Variants in CDC42BPB observed in about 807,000 individuals in gnomAD.
CDC42BPB encodes CDC42 binding protein kinase beta, also known as serine/threonine-protein kinase MRCK beta.
CDC42BPB carries 37 observed loss-of-function variants against 214.9 expected under a neutral mutation model. That is an observed-to-expected ratio of 0.17 (90% CI 0.13 to 0.23). The LOEUF is 0.23. Among genes scored for constraint, CDC42BPB ranks in the 10% least tolerant of loss-of-function variants. CDC42BPB has a pLI of 1.00. For missense variants in CDC42BPB, 1,694 were observed against 2,227.0 expected (o/e 0.76, Z 4.82); for synonymous variants, 931 against 884.0 (o/e 1.05, Z -0.94).
chr14:103,047,435 T>C (rs1287985443), intron 1 of CDC42BPB, among the ~76,000 whole-genome samples: 3 of 152,090 alleles, frequency 2.0e-5, no homozygotes, highest in African/African-American at 7.2e-5. Context: ...CCAGAGATTT[T>C]ACAAAAGAAA....
intron 9 of CDC42BPB, 137 bp downstream of exon 9, chr14:102,977,989 T>G (rs1893833252): frequency 1.5e-6 from 1 of 648,040 alleles, no homozygotes; most frequent in South Asian, 1.9e-5. Flanking sequence ...CAAAAACCCA[T>G]CTCCATCTCC....
intron 14 of CDC42BPB, chr14:102,968,937 G>C (rs897269367): frequency 1.0e-6 from 1 of 976,288 alleles, no homozygotes; most frequent in South Asian, 4.7e-5. Flanking sequence ...GGTCTGCCTG[G>C]GACCCCCGAA....
Position 103,057,441 on chromosome 14 carries a change from C to T in CDC42BPB, c.-268G>A. ...GCCCTCCCAGCTCGGGCGGCCCGCC[C>T]CCGCCGCCCTCAGCCCCGCCCGCGG... is the stretch of plus-strand genomic sequence containing the variant. On this transcript the variant is annotated 5_prime_UTR_variant, in exon 1 of 37. Transcript: ENST00000361246. 4.0e-6 allele frequency: 2 copies of T among 496,270 alleles called. No individual in the cohort carries two copies. Among genetic ancestry groups the T allele is most frequent in the Non-Finnish European group, 5.2e-6 (2 of 384,886 alleles). 30.7% of individuals were successfully genotyped at this position (496,270 alleles called of 1,614,324 possible).
chr14:103,042,864 G>A (rs781539937), intron 1 of CDC42BPB, among the ~76,000 whole-genome samples: 1 of 152,100 alleles, frequency 6.6e-6, no homozygotes, highest in Admixed American at 6.6e-5. Context: ...AAACAACCTG[G>A]CAGTTCCTCA....
chr14:102,995,789 G>T (rs554857588), intron 5 of CDC42BPB, among the ~76,000 whole-genome samples: 1 of 152,190 alleles, frequency 6.6e-6, no homozygotes, highest in African/African-American at 2.4e-5. Flanking sequence ...CGTAAAGTTG[G>T]CCACACCGTA....
chr14:102,949,595 T>C (rs1298261735), intron 26 of CDC42BPB, among the ~76,000 whole-genome samples, 170 bp downstream of exon 26: 1 of 152,102 alleles, frequency 6.6e-6, no homozygotes, highest in Non-Finnish European at 1.5e-5. Context: ...TTCATACGCA[T>C]GTGAGCGCCT....
chr14:102,954,849 A>G lies in CDC42BPB; in HGVS notation c.2902-161T>C, dbSNP rs1002047646. 10 of 983,346 alleles carry G rather than the reference A, an allele frequency of 1.0e-5. No homozygotes were observed. In the African/African-American group the frequency reaches 1.8e-4, roughly 17 times the overall value. The allele number at this position is 983,346 out of a possible 1,614,324, so 60.9% of individuals were successfully genotyped here. Reference sequence around the variant, plus strand: ...TATCACCCCTTGGGTCTCCTCACAGACCCCTGCTCCACTCCCAGCTGGCCG... The same window carrying G: ...TATCACCCCTTGGGTCTCCTCACAGGCCCCTGCTCCACTCCCAGCTGGCCG... On this transcript the variant is annotated intron_variant, in intron 21 of 36. Coordinates refer to ENST00000361246, the MANE Select transcript of CDC42BPB (RefSeq NM_006035.4).
intron 5 of CDC42BPB, among the ~76,000 whole-genome samples, chr14:102,989,871 GAAA>G (rs1015400352): frequency 7.1e-6 from 1 of 141,564 alleles, no homozygotes; most frequent in Admixed American, 7.1e-5. Flanking sequence ...AAAAAAAAAA[GAAA>G]AAAAAAAGAA....
intron 1 of CDC42BPB, among the ~76,000 whole-genome samples, chr14:103,014,045 G>A (rs570885747): frequency 1.3e-4 from 20 of 152,136 alleles, no homozygotes; most frequent in African/African-American, 4.3e-4. Flanking sequence ...GGGCGCCTGC[G>A]GTCCCAGTTA....
chr14:103,056,886 G>A, intron 1 of CDC42BPB, 113 bp downstream of exon 1: 1 of 694,764 alleles, frequency 1.4e-6, no homozygotes, highest in Non-Finnish European at 2.1e-6. Flanking sequence ...CGAGCTGGGT[G>A]GGCAGGAGGG....
At chr14:103,012,028 A>C in intron 2 of CDC42BPB, 69 bp downstream of exon 2, 1 of 988,702 alleles carries the variant, frequency 1.0e-6, no homozygotes, top group Non-Finnish European at 1.6e-6. Context: ...AGGTGCACAA[A>C]AAGGTGAAAT....
At chr14:103,047,279 CAAAAAAAA>C (rs397852207) in intron 1 of CDC42BPB, among the ~76,000 whole-genome samples, 5 of 93,504 alleles carry the variant, frequency 5.3e-5, no homozygotes, top group Non-Finnish European at 1.1e-4. Context: ...GTAATACTCT[CAAAAAAAA>C]AAAAAAAAAA....
intron 5 of CDC42BPB, among the ~76,000 whole-genome samples, chr14:102,997,988 T>C (rs1396790146): frequency 2.0e-5 from 3 of 152,070 alleles, no homozygotes; most frequent in Admixed American, 1.3e-4. Context: ...CTACTAAAAA[T>C]ACAAAAAAAT....
In CDC42BPB at chr14:102,963,163, A is replaced by G; in HGVS notation, c.2727-8T>C. ...TCGGAATCCTTTAGTTTGCTAAAATAAAAAATAAATGGCTTTAAGTGCACT... is the reference window on the plus strand; with the variant it reads ...TCGGAATCCTTTAGTTTGCTAAAATGAAAAATAAATGGCTTTAAGTGCACT... On this transcript the variant is annotated splice_region_variant and splice_polypyrimidine_tract_variant and intron_variant, in intron 19 of 36. Transcript: ENST00000361246. The G allele has an allele frequency of 6.3e-7, 1 of 1,584,372 alleles. No individual in the cohort carries two copies. Among genetic ancestry groups the G allele is most frequent in the East Asian group, 2.2e-5 (1 of 44,700 alleles).
chr14:102,964,819 CT>C, intron 18 of CDC42BPB, 169 bp from the exon 19 acceptor site: 1 of 930,378 alleles, frequency 1.1e-6, no homozygotes, highest in Non-Finnish European at 1.3e-6. Flanking sequence ...TATTTTATGA[CT>C]TTTTTTACTC....
chr14:102,968,536 G>A lies in CDC42BPB; in HGVS notation c.2176C>T (p.Gln726Ter), dbSNP rs1893326926. ...AAGATTTCTTTCTGCAGGGCCAGCTGGTGGCTTTCTGAATCATGCACCTCC... is the reference window on the plus strand; with the variant it reads ...AAGATTTCTTTCTGCAGGGCCAGCTAGTGGCTTTCTGAATCATGCACCTCC... ...KKEVHDSESH[Q>*]LALQKEILML... The change falls in exon 15 of 37, where the codon CAG (glutamine) becomes TAG (stop). Residue 726 changes from glutamine to a stop codon, truncating the protein, a stop_gained. Transcript: ENST00000361246. LOFTEE classifies it high-confidence loss of function. The A allele has an allele frequency of 6.2e-7, 1 of 1,614,024 alleles. No individual in the cohort carries two copies. The highest frequency in any genetic ancestry group is 1.7e-5 in the Admixed American group (1 of 59,998).
intron 1 of CDC42BPB, among the ~76,000 whole-genome samples, chr14:103,030,076 C>T (rs1043236066): frequency 1.3e-5 from 2 of 152,156 alleles, no homozygotes; most frequent in Non-Finnish European, 1.5e-5. Context: ...GAGGAAGGGC[C>T]ACCAAGCAAA....
At chr14:102,984,963 G>A (rs1485340340) in intron 6 of CDC42BPB, among the ~76,000 whole-genome samples, 1 of 152,270 alleles carries the variant, frequency 6.6e-6, no homozygotes, top group African/African-American at 2.4e-5. Context: ...GTGACTCCAC[G>A]ATGAACAACT....
At chr14:102,965,851 G>C (rs955239929) in intron 18 of CDC42BPB, among the ~76,000 whole-genome samples, 22 of 152,342 alleles carry the variant, frequency 1.4e-4, no homozygotes, top group East Asian at 1.9e-4. Flanking sequence ...AGCTACTCGG[G>C]GGGGCTGAGG....
Sources: allele counts gnomAD v4.1 joint callset (sites outside exome capture counted in the v4.1 genomes callset), GRCh38; gene constraint gnomAD v4.1.1; transcripts MANE v1.5; gene names NCBI Gene and HGNC (gene_info 2026-07-23, HGNC 2026-07-21).